RPRD1A: variants seen among roughly 807,000 people sequenced by gnomAD.
The protein encoded by RPRD1A is regulation of nuclear pre-mRNA domain containing 1A.
RPRD1A carries 9 observed loss-of-function variants against 37.8 expected under a neutral mutation model. That is an observed-to-expected ratio of 0.24 (90% CI 0.14 to 0.42). The LOEUF (loss-of-function observed/expected upper bound fraction) is 0.42. Among genes scored for constraint, RPRD1A ranks in the 10% least tolerant of loss-of-function variants. RPRD1A has a pLI of 1.00. For synonymous variants in RPRD1A, 138 were observed against 139.7 expected (o/e 0.99, Z 0.08); for missense variants, 255 against 371.0 (o/e 0.69, Z 2.57).
rs1400389739 is a variant in RPRD1A at position 35,993,274 on chromosome 18, A to T, written c.816T>A (p.Val272=). The T allele has an allele frequency of 2.5e-6, 4 of 1,614,088 alleles. No individual in the cohort carries two copies. The highest frequency in any genetic ancestry group is 3.4e-6 in the Non-Finnish European group (4 of 1,180,030). ...LEEYKRKLAR[V]SLVRKELRSR... is the part of the protein sequence containing the mutation. ...ACCTGAGTTCTTTGCGCACCAGGGAAACTCTGGCTAGCTTGCGCTTGTACT... is the reference window on the plus strand; with the variant it reads ...ACCTGAGTTCTTTGCGCACCAGGGATACTCTGGCTAGCTTGCGCTTGTACT... Residue 272 remains valine (V), a synonymous_variant, in exon 7 of 7, where the codon GTT becomes GTA. Coordinates refer to ENST00000399022, the MANE Select transcript of RPRD1A (RefSeq NM_018170.5).
intron 6 of RPRD1A, among the ~76,000 whole-genome samples, chr18:36,016,269 C>A (rs760406537): frequency 2.6e-5 from 4 of 152,156 alleles, no homozygotes; most frequent in Non-Finnish European, 5.9e-5. Context: ...GTTGCCCAGG[C>A]TGGAGTGCAA....
At chr18:36,018,536 G>C (rs1256376826) in intron 6 of RPRD1A, among the ~76,000 whole-genome samples, 1 of 152,104 alleles carries the variant, frequency 6.6e-6, no homozygotes, top group Non-Finnish European at 1.5e-5. Context: ...GCCTCCCAAA[G>C]TGCTAGGATT....
chr18:36,014,635 C>T (rs745402591), intron 6 of RPRD1A, among the ~76,000 whole-genome samples: 52 of 152,162 alleles, frequency 3.4e-4, no homozygotes, highest in South Asian at 1.2e-3. Context: ...CCCAGCTACT[C>T]GGGAGGCTGA....
At chr18:36,025,042 A>G (rs915996278) in intron 6 of RPRD1A, 1 of 152,268 alleles carries the variant, frequency 6.6e-6, no homozygotes, top group Non-Finnish European at 1.5e-5. Context: ...CTTTATTTCA[A>G]GACAGTGATT....
rs750509325 is a variant in RPRD1A, at chr18:36,031,115, GA to G, written c.282-19del. 9.6e-6 allele frequency: 13 copies of G among 1,356,926 alleles called. No homozygotes were observed. The highest frequency in any genetic ancestry group is 7.7e-5 in the East Asian group (3 of 38,798). 84.1% of individuals were successfully genotyped at this position (1,356,926 alleles called of 1,614,324 possible). A position where few individuals can be genotyped will look rare whatever the true frequency, so the allele number is the denominator to read the frequency against. ...CAGTTTCACTAAAAAAAAAAAAAAA[GA>G]AAAAAAGAAAAATGTTAACAGTAAC... On this transcript the variant is annotated intron_variant, in intron 2 of 6. Coordinates refer to ENST00000399022, the MANE Select transcript of RPRD1A (RefSeq NM_018170.5).
chr18:36,041,470 T>C (rs1202363470), intron 1 of RPRD1A, among the ~76,000 whole-genome samples: 1 of 152,210 alleles, frequency 6.6e-6, no homozygotes, highest in Non-Finnish European at 1.5e-5. Flanking sequence ...TGGAGATAGA[T>C]CTAATTCAGT....
intron 1 of RPRD1A, among the ~76,000 whole-genome samples, chr18:36,051,134 C>T (rs1913359909): frequency 6.6e-6 from 1 of 152,098 alleles, no homozygotes; most frequent in South Asian, 2.1e-4. Context: ...GAAAACTGTA[C>T]AATGATTACT....
intron 1 of RPRD1A, among the ~76,000 whole-genome samples, chr18:36,045,760 A>G (rs953485030): frequency 6.6e-6 from 1 of 152,248 alleles, no homozygotes; most frequent in Non-Finnish European, 1.5e-5. Flanking sequence ...AGAAATGCAC[A>G]ACCAACAATC....
chr18:36,042,157 A>C (rs1350384683), intron 1 of RPRD1A, among the ~76,000 whole-genome samples: 4 of 152,190 alleles, frequency 2.6e-5, no homozygotes, highest in African/African-American at 7.2e-5. Flanking sequence ...AACTCCTACC[A>C]TATTTTAGAC....
intron 6 of RPRD1A, chr18:36,025,790 T>G (rs1047866): frequency 0.13 from 45,724 of 351,370 alleles, 3,621 homozygotes; most frequent in East Asian, 0.25. Flanking sequence ...ATTAACACTA[T>G]GTTTAAAATT....
intron 6 of RPRD1A, among the ~76,000 whole-genome samples, chr18:36,000,068 A>G (rs1268322296): frequency 6.6e-6 from 1 of 152,162 alleles, no homozygotes; most frequent in African/African-American, 2.4e-5. Flanking sequence ...TCTTTTTTTA[A>G]TAAGGCCAAG....
intron 6 of RPRD1A, among the ~76,000 whole-genome samples, chr18:36,008,579 A>ATATATATATATATATATG (rs1909951136): frequency 4.6e-5 from 1 of 21,648 alleles, no homozygotes; most frequent in Admixed American, 7.4e-4. Flanking sequence ...TTGTGTGTGT[A>ATATATATATATATATATG]TATATATATA....
At chr18:36,035,065 G>C (rs908931305) in intron 1 of RPRD1A, among the ~76,000 whole-genome samples, 1 of 152,182 alleles carries the variant, frequency 6.6e-6, no homozygotes, top group African/African-American at 2.4e-5. Context: ...CCAGCTTCTG[G>C]TTTTCAGGCT....
At chr18:36,063,284 G>T (rs1397049200) in intron 1 of RPRD1A, among the ~76,000 whole-genome samples, 1 of 152,200 alleles carries the variant, frequency 6.6e-6, no homozygotes, top group African/African-American at 2.4e-5. Flanking sequence ...TTGGGCTCAA[G>T]TGACCCCCCA....
intron 1 of RPRD1A, among the ~76,000 whole-genome samples, chr18:36,052,618 G>A (rs1913480463): frequency 6.6e-6 from 1 of 151,924 alleles, no homozygotes; most frequent in South Asian, 2.1e-4. Flanking sequence ...GGGGCGGGGG[G>A]GATGGAATCT....
chr18:36,025,262 T>G (rs1259623416), intron 6 of RPRD1A: 1 of 178,386 alleles, frequency 5.6e-6, no homozygotes, highest in Admixed American at 5.6e-5. Context: ...CAGTTCTGTA[T>G]CTATCAAATG....
At chr18:36,004,071 T>A (rs955533350) in intron 6 of RPRD1A, among the ~76,000 whole-genome samples, 7 of 147,634 alleles carry the variant, frequency 4.7e-5, no homozygotes, top group Admixed American at 4.2e-4. Context: ...CTTGAACTCC[T>A]GGGCTCAAGT....
chr18:36,029,621 A>G (rs892398864), intron 4 of RPRD1A, among the ~76,000 whole-genome samples: 2 of 145,500 alleles, frequency 1.4e-5, no homozygotes, highest in African/African-American at 5.1e-5. Context: ...CTCAATGCCC[A>G]CTTAAAAAAA....
chr18:36,031,329 A>C (rs1911775892), intron 2 of RPRD1A, among the ~76,000 whole-genome samples: 1 of 151,318 alleles, frequency 6.6e-6, no homozygotes, highest in Non-Finnish European at 1.5e-5. Flanking sequence ...CAACCAAAAA[A>C]AGTTTAAACT....
Sources: gnomAD v4.1 joint callset for allele counts (sites outside exome capture counted in the v4.1 genomes callset) on GRCh38, gnomAD v4.1.1 for gene constraint, MANE v1.5 for transcripts, NCBI Gene and HGNC (gene_info 2026-07-23, HGNC 2026-07-21) for gene names.